Variants in TRPM1 observed in about 807,000 individuals in gnomAD.
The protein encoded by TRPM1 is transient receptor potential cation channel subfamily M member 1.
Under a neutral mutation model 149.4 loss-of-function variants are expected in TRPM1, and 113 were observed. That is an observed-to-expected ratio of 0.76 (90% CI 0.65 to 0.88). The LOEUF (loss-of-function observed/expected upper bound fraction) is 0.88. Ranked by LOEUF, TRPM1 falls within the 40% of genes least tolerant of loss-of-function variation. The pLI is 0.00. For missense variants in TRPM1, 1,976 were observed against 2,038.7 expected, an observed-to-expected ratio of 0.97 and a Z score of 0.59; for synonymous variants, 741 against 759.5, an observed-to-expected ratio of 0.98 and a Z score of 0.40.
At chr15:31,156,715 C>T (rs866494316) in intron 1 of TRPM1, among the ~76,000 whole-genome samples, 2 of 152,140 alleles carry the variant, frequency 1.3e-5, no homozygotes, top group Admixed American at 6.5e-5. Flanking sequence ...TAACCCAGTG[C>T]CTGGGCGCAT....
At chr15:31,112,154 A>G (rs2035699014) in intron 1 of TRPM1, among the ~76,000 whole-genome samples, 1 of 152,204 alleles carries the variant, frequency 6.6e-6, no homozygotes, top group Non-Finnish European at 1.5e-5. Context: ...GTGGCATTCT[A>G]CTTTTTAAAG....
rs78115682 is a variant in TRPM1, at chr15:31,098,093, T to G, written c.-84+3564A>C. Among the ~76,000 whole-genome samples, 675 of 152,334 alleles carry G rather than the reference T, an allele frequency of 4.4e-3. 23 individuals are homozygous for G. In the East Asian group the frequency reaches 0.099, roughly 22 times the overall value. Reference sequence around the variant, plus strand: ...AAGTGGCTACTACACAGTTTGAAATTATGTCTGTGGCGCGTGTGCTATTTC... The same window carrying G: ...AAGTGGCTACTACACAGTTTGAAATGATGTCTGTGGCGCGTGTGCTATTTC... On this transcript the variant is annotated intron_variant, in intron 1 of 27. Transcript: ENST00000256552.
At chr15:31,009,190 T>C (rs920465040) in intron 27 of TRPM1, among the ~76,000 whole-genome samples, 2 of 152,152 alleles carry the variant, frequency 1.3e-5, no homozygotes, top group African/African-American at 4.8e-5. Context: ...ATCATTTTTT[T>C]CTTTCAGCAC....
chr15:31,014,789 C>G (rs530359564), intron 27 of TRPM1, among the ~76,000 whole-genome samples: 2 of 152,332 alleles, frequency 1.3e-5, no homozygotes, highest in Non-Finnish European at 2.9e-5. Context: ...GAGTTCATAA[C>G]TTTATGGCAT....
intron 9 of TRPM1, among the ~76,000 whole-genome samples, chr15:31,062,223 G>T (rs1450935502): frequency 6.6e-6 from 1 of 152,224 alleles, no homozygotes; most frequent in Non-Finnish European, 1.5e-5. Flanking sequence ...TGGAACGGAA[G>T]AGGGAAGGAG....
chr15:31,013,167 C>A (rs2032247618), intron 27 of TRPM1, among the ~76,000 whole-genome samples: 1 of 151,532 alleles, frequency 6.6e-6, no homozygotes, highest in Non-Finnish European at 1.5e-5. Context: ...CACCACCATG[C>A]CTGTCCAGTT....
intron 26 of TRPM1, 86 bp from the exon 27 acceptor site, chr15:31,026,357 A>G: frequency 6.6e-7 from 1 of 1,523,598 alleles, no homozygotes; most frequent in South Asian, 1.2e-5. Context: ...GCCCCACTTT[A>G]ATTAAGCTCT....
At chr15:31,097,722 T>G (rs1029917060) in intron 1 of TRPM1, among the ~76,000 whole-genome samples, 1 of 152,112 alleles carries the variant, frequency 6.6e-6, no homozygotes, top group Admixed American at 6.5e-5. Flanking sequence ...TCCGATGTGA[T>G]CCAGCTCTAC....
chr15:31,123,426 C>T (rs987182589), intron 1 of TRPM1, among the ~76,000 whole-genome samples: 3 of 152,252 alleles, frequency 2.0e-5, no homozygotes, highest in Non-Finnish European at 4.4e-5. Context: ...GCAAAACACA[C>T]ATTTGATAAA....
chr15:31,145,249 C>T (rs1475441620), intron 1 of TRPM1, among the ~76,000 whole-genome samples: 16 of 152,172 alleles, frequency 1.1e-4, no homozygotes, highest in South Asian at 2.1e-4. Context: ...CAGTCAGAGA[C>T]GTTCAAACTG....
At chr15:31,028,510 T>A (rs775879101) in intron 24 of TRPM1, 34 bp from the exon 25 acceptor site, 2 of 1,610,564 alleles carry the variant, frequency 1.2e-6, no homozygotes, top group Non-Finnish European at 1.7e-6. Context: ...CTTTGCTTTT[T>A]ACATATAATG....
At chr15:31,082,037 C>A (rs906282581) in intron 1 of TRPM1, among the ~76,000 whole-genome samples, 13 of 152,140 alleles carry the variant, frequency 8.5e-5, no homozygotes, top group African/African-American at 3.1e-4. Flanking sequence ...ATGGCTGAAC[C>A]CACCCTGACT....
At chr15:31,070,387 G>A in intron 3 of TRPM1, 161 bp from the exon 4 acceptor site, 1 of 743,614 alleles carries the variant, frequency 1.3e-6, no homozygotes, top group Non-Finnish European at 2.4e-6. Context: ...CCCATCTGAT[G>A]GCCTTTTCCA....
At chr15:31,104,836 C>T (rs555311982), upstream of TRPM1, among the ~76,000 whole-genome samples, 9 of 152,100 alleles carry the variant, frequency 5.9e-5, no homozygotes, top group South Asian at 4.2e-4. Context: ...CCTTGTGATC[C>T]GCCCACCCTG....
intron 1 of TRPM1, among the ~76,000 whole-genome samples, chr15:31,107,509 A>G (rs940212088): frequency 2.0e-5 from 3 of 152,100 alleles, no homozygotes; most frequent in Non-Finnish European, 4.4e-5. Context: ...CCAGGGAATC[A>G]ACTTTTGGTT....
intron 1 of TRPM1, among the ~76,000 whole-genome samples, chr15:31,113,862 C>T (rs997218374): frequency 2.0e-5 from 3 of 152,174 alleles, no homozygotes; most frequent in Non-Finnish European, 4.4e-5. Context: ...CTCCCACACG[C>T]TGGAAGGGTA....
At position 31,047,238 on chromosome 15, in the gene TRPM1, G is replaced by A. The variant is rs186199074; in HGVS notation, c.1637C>T (p.Pro546Leu). The A allele has an allele frequency of 2.0e-5, 32 of 1,614,242 alleles. No individual in the cohort carries two copies. Among genetic ancestry groups the A allele is most frequent in the Middle Eastern group, 1.6e-4 (1 of 6,062 alleles). The stretch of plus-strand genomic sequence containing the variant: ...GTCTATGAGGCTGATGTGGTAATCA[G>A]GCGGAAGGTTGCTCTGTAAAAGAAG... ...VRDVKKSNLP[P>L]DYHISLIDIG... The change falls in exon 15 of 28, where the codon CCT (proline) becomes CTT (leucine). Residue 546 changes from proline (P) to leucine (L), a missense_variant. Coordinates refer to ENST00000256552, the MANE Select transcript of TRPM1 (RefSeq NM_001252024.2).
intron 3 of TRPM1, among the ~76,000 whole-genome samples, chr15:31,075,399 G>T (rs2034662839): frequency 6.6e-6 from 1 of 152,164 alleles, no homozygotes; most frequent in Admixed American, 6.5e-5. Context: ...CTGATCGATT[G>T]TCCCATTTAT....
At chr15:31,114,530 C>T (rs900530006) in intron 1 of TRPM1, among the ~76,000 whole-genome samples, 1 of 152,070 alleles carries the variant, frequency 6.6e-6, no homozygotes, top group Admixed American at 6.6e-5. Context: ...TCTAGTCAAA[C>T]GATAGTGAAA....
Sources: allele counts gnomAD v4.1 joint callset (sites outside exome capture counted in the v4.1 genomes callset), GRCh38; gene constraint gnomAD v4.1.1; transcripts MANE v1.5; gene names NCBI Gene and HGNC (gene_info 2026-07-23, HGNC 2026-07-21).